RBFOX1: variants seen among roughly 807,000 people sequenced by gnomAD.
RBFOX1 encodes RNA binding protein fox-1 homolog 1.
RBFOX1 carries 8 observed loss-of-function variants against 57.7 expected under a neutral mutation model. That is an observed-to-expected ratio of 0.14 (90% CI 0.08 to 0.25). The LOEUF (loss-of-function observed/expected upper bound fraction) is 0.25, where lower values mean the gene tolerates loss of function less well. RBFOX1 is among the 10% of genes least tolerant of loss of function. The probability of loss-of-function intolerance (pLI) is 1.00; values close to 1 mark genes in which losing one functional copy is unlikely to be tolerated. For missense variants in RBFOX1, 611 were observed against 548.5 expected, an observed-to-expected ratio of 1.11 and a Z score of -1.14; for synonymous variants, 326 against 222.4, an observed-to-expected ratio of 1.47 and a Z score of -4.15.
intron 3 of RBFOX1, among the ~76,000 whole-genome samples, chr16:6,707,166 T>A (rs1434907546): frequency 6.6e-6 from 1 of 152,182 alleles, no homozygotes; most frequent in Non-Finnish European, 1.5e-5. Flanking sequence ...AATTGTAAGG[T>A]GCATACTATT....
At chr16:7,043,419 A>G (rs1223338571) in intron 3 of RBFOX1, among the ~76,000 whole-genome samples, 1 of 152,178 alleles carries the variant, frequency 6.6e-6, no homozygotes, top group Non-Finnish European at 1.5e-5. Context: ...CTGAGTACAT[A>G]TGTCAAATGT....
At chr16:5,801,010 A>T (rs777492870) in intron 3 of RBFOX1, among the ~76,000 whole-genome samples, 1 of 152,154 alleles carries the variant, frequency 6.6e-6, no homozygotes, top group Non-Finnish European at 1.5e-5. Flanking sequence ...AGAGAGTGGG[A>T]TCTTCTACCC....
chr16:6,407,247 CTATA>C (rs1467974106), intron 2 of RBFOX1, among the ~76,000 whole-genome samples: 1 of 152,028 alleles, frequency 6.6e-6, no homozygotes, highest in Non-Finnish European at 1.5e-5. Flanking sequence ...GTACCTTTAT[CTATA>C]TATATGCTAT....
intron 3 of RBFOX1, among the ~76,000 whole-genome samples, chr16:6,855,283 T>G (rs1373423711): frequency 1.3e-5 from 2 of 151,898 alleles, no homozygotes; most frequent in East Asian, 3.9e-4. Context: ...CAGTCAGCAT[T>G]CTAGTATACA....
At chr16:6,643,449 C>G (rs1360949935) in intron 2 of RBFOX1, among the ~76,000 whole-genome samples, 5 of 151,354 alleles carry the variant, frequency 3.3e-5, no homozygotes, top group Admixed American at 2.6e-4. Flanking sequence ...TTTGTTTTTG[C>G]GGTTGGAGGA....
chr16:6,383,193 T>G lies in RBFOX1; in HGVS notation c.-64+66136T>G, dbSNP rs193115638. On this transcript the variant is annotated intron_variant, in intron 2 of 15. Transcript: ENST00000550418. ...TTCCAAGAAGATCTGGCTTTCTTCTTGTTAAAGGAAGCATTTGATGGCAGC... is the reference window on the plus strand; with the variant it reads ...TTCCAAGAAGATCTGGCTTTCTTCTGGTTAAAGGAAGCATTTGATGGCAGC... 3.3e-3 allele frequency among the ~76,000 whole-genome samples: 508 copies of G among 152,332 alleles called. 1 individual carries two copies. The highest frequency in any genetic ancestry group is 5.1e-3 in the Non-Finnish European group (346 of 68,036).
chr16:6,528,400 C>G (rs923147988), intron 2 of RBFOX1, among the ~76,000 whole-genome samples: 1 of 152,198 alleles, frequency 6.6e-6, no homozygotes, highest in Non-Finnish European at 1.5e-5. Flanking sequence ...AGTCCACCAT[C>G]AATGCACAGT....
chr16:7,275,513 T>C (rs367582049), intron 4 of RBFOX1, among the ~76,000 whole-genome samples: 8 of 152,230 alleles, frequency 5.3e-5, no homozygotes, highest in East Asian at 1.9e-4. Flanking sequence ...TGTGCTTCCA[T>C]AACTATATAG....
At chr16:5,664,003 G>C (rs1310718765) in intron 3 of RBFOX1, among the ~76,000 whole-genome samples, 3 of 152,112 alleles carry the variant, frequency 2.0e-5, no homozygotes, top group African/African-American at 7.2e-5. Context: ...GAACATCAGA[G>C]CTGCTCCTGG....
intron 4 of RBFOX1, among the ~76,000 whole-genome samples, chr16:5,909,410 A>C (rs1424085572): frequency 6.6e-6 from 1 of 152,126 alleles, no homozygotes; most frequent in African/African-American, 2.4e-5. Flanking sequence ...TTCTAAAAAA[A>C]ATAAAATAAA....
chr16:7,548,152 CT>C, intron 5 of RBFOX1, among the ~76,000 whole-genome samples: 1 of 152,088 alleles, frequency 6.6e-6, no homozygotes, highest in East Asian at 1.9e-4. Context: ...ACGTCATATT[CT>C]TTCTTACTCG....
chr16:5,659,629 C>G lies in RBFOX1; in HGVS notation c.318+60668C>G, dbSNP rs148797818. Among the ~76,000 whole-genome samples the G allele has an allele frequency of 1.5e-4, 23 of 152,096 alleles. No homozygotes were observed. The East Asian group carries it at 4.1e-3, about 27-fold the overall frequency. On this transcript the variant is annotated intron_variant, in intron 3 of 19. Coordinates refer to the RBFOX1 transcript ENST00000641259. ...CGGTATATCTTTTTTTGAAAATTTT[C>G]CAGACATTTTAAACCTGGGGTTAGT...
intron 3 of RBFOX1, among the ~76,000 whole-genome samples, chr16:5,670,257 A>G (rs1009567393): frequency 2.0e-5 from 3 of 152,200 alleles, no homozygotes; most frequent in Non-Finnish European, 1.5e-5. Flanking sequence ...TCAGATAGCG[A>G]TGATGGTTGC....
At chr16:7,276,485 T>C (rs1252457245) in intron 4 of RBFOX1, among the ~76,000 whole-genome samples, 2 of 152,204 alleles carry the variant, frequency 1.3e-5, no homozygotes, top group African/African-American at 4.8e-5. Context: ...TATTCTCTCT[T>C]TTTATCTCCT....
At chr16:6,663,839 A>G (rs1412864760) in intron 3 of RBFOX1, among the ~76,000 whole-genome samples, 1 of 152,204 alleles carries the variant, frequency 6.6e-6, no homozygotes, top group Admixed American at 6.5e-5. Flanking sequence ...CCAGGTGCAG[A>G]GGAGGGAGTC....
chr16:6,596,652 A>G (rs2097779425), intron 2 of RBFOX1, among the ~76,000 whole-genome samples: 1 of 152,200 alleles, frequency 6.6e-6, no homozygotes, highest in South Asian at 2.1e-4. Context: ...GCTTGTTCAT[A>G]TGTTGTATAT....
At chr16:5,527,675 G>T (rs190222722) in intron 2 of RBFOX1, among the ~76,000 whole-genome samples, 1 of 152,106 alleles carries the variant, frequency 6.6e-6, no homozygotes, top group African/African-American at 2.4e-5. Context: ...TGGGTTTTGT[G>T]CTTGAGCTGC....
At chr16:5,944,580 C>T (rs1227246052) in intron 4 of RBFOX1, among the ~76,000 whole-genome samples, 1 of 151,462 alleles carries the variant, frequency 6.6e-6, no homozygotes. Flanking sequence ...GCCTCAGTTT[C>T]GACAAATGTG....
chr16:5,656,838 A>T (rs1244611502), intron 3 of RBFOX1, among the ~76,000 whole-genome samples: 1 of 152,206 alleles, frequency 6.6e-6, no homozygotes, highest in Non-Finnish European at 1.5e-5. Flanking sequence ...AGGAACAGAA[A>T]ACCAAATACC....
Sources: allele counts gnomAD v4.1 joint callset (sites outside exome capture counted in the v4.1 genomes callset), GRCh38; gene constraint gnomAD v4.1.1; transcripts MANE v1.5; gene names NCBI Gene and HGNC (gene_info 2026-07-23, HGNC 2026-07-21).